The following ASMTL variants were observed in gnomAD, a reference collection of about 807,000 sequenced individuals.
ASMTL encodes probable bifunctional dTTP/UTP pyrophosphatase/methyltransferase protein.
In ASMTL, 57 loss-of-function variants were observed where a neutral mutation model predicts 60.3. The ratio of observed to expected loss-of-function variants is 0.95; its 90% confidence interval spans 0.76 to 1.18. The LOEUF (loss-of-function observed/expected upper bound fraction) is 1.18, where lower values mean the gene tolerates loss of function less well. Ranked by LOEUF, ASMTL falls within the 50% of genes most tolerant of loss-of-function variation. ASMTL has a pLI of 0.00. For missense variants in ASMTL, 981 were observed against 852.6 expected (o/e 1.15, Z -1.88); for synonymous variants, 419 against 373.0 (o/e 1.12, Z -1.42).
chrX:1,443,941 G>C (rs1167565954), intron 1 of ASMTL, among the ~76,000 whole-genome samples: 2 of 152,236 alleles, frequency 1.3e-5, no homozygotes, highest in African/African-American at 4.8e-5. Context: ...CCCCGTCTTG[G>C]ACAGACACTG....
chrX:1,451,707 C>A (rs1261104958), intron 1 of ASMTL, among the ~76,000 whole-genome samples: 1 of 149,238 alleles, frequency 6.7e-6, no homozygotes, highest in Non-Finnish European at 1.5e-5. Context: ...CTCCCCCATC[C>A]CTAGGGGTCC....
chrX:1,433,790 A>G (rs1363108277), intron 5 of ASMTL, among the ~76,000 whole-genome samples: 1 of 152,068 alleles, frequency 6.6e-6, no homozygotes, highest in Admixed American at 6.6e-5. Flanking sequence ...GAGGCTCCAT[A>G]CATCCTGCAC....
At chrX:1,425,946 A>G (rs5989886) in intron 7 of ASMTL, among the ~76,000 whole-genome samples, 101,699 of 152,018 alleles carry the variant, frequency 0.67, 35,025 homozygotes, top group South Asian at 0.86. Context: ...GCCGATATGG[A>G]CTGAGTTCAA....
chrX:1,446,500 A>ATTTTTT (rs533497088), intron 1 of ASMTL, among the ~76,000 whole-genome samples: 1 of 131,760 alleles, frequency 7.6e-6, no homozygotes, highest in Non-Finnish European at 1.6e-5. Context: ...ATCTCATGAC[A>ATTTTTT]TTTTTTTTTT....
chrX:1,417,744 TCACG>T (rs2090346701), intron 11 of ASMTL, among the ~76,000 whole-genome samples: 18 of 37,996 alleles, frequency 4.7e-4, no homozygotes, highest in Admixed American at 3.7e-3. Flanking sequence ...ACAGACATGC[TCACG>T]CACAGACATG....
chrX:1,416,583 AC>A (rs1262262150), intron 11 of ASMTL, among the ~76,000 whole-genome samples: 2 of 148,358 alleles, frequency 1.3e-5, no homozygotes, highest in African/African-American at 5.0e-5. Context: ...ACGCAGACAC[AC>A]AGACATACAC....
chrX:1,437,490 C>T (rs1304570950), intron 3 of ASMTL, among the ~76,000 whole-genome samples: 1 of 151,968 alleles, frequency 6.6e-6, no homozygotes, highest in Non-Finnish European at 1.5e-5. Context: ...CCCCCTGTGT[C>T]CTCACAGGGT....
chrX:1,421,789 A>G lies in ASMTL; in HGVS notation c.1114T>C (p.Ser372Pro). 1 of 1,613,866 alleles carries G rather than the reference A, an allele frequency of 6.2e-7. No individual in the cohort carries two copies. Among genetic ancestry groups the G allele is most frequent in the African/African-American group, 1.3e-5 (1 of 74,994 alleles). Reference protein sequence around the residue: ...NVYLASDGEYSLHGFIMHNND... With the variant: ...NVYLASDGEYPLHGFIMHNND... The stretch of plus-strand genomic sequence containing the variant: ...TTGTGCATGATGAAGCCGTGCAGAG[A>G]GTATTCGCCATCCGATGCCAGGTAG... The change falls in exon 9 of 13, where the codon TCT becomes CCT. Residue 372 changes from serine to proline, a missense_variant. Transcript: ENST00000381317.
chrX:1,424,271 C>G (rs1373405160), intron 8 of ASMTL, among the ~76,000 whole-genome samples: 2 of 142,234 alleles, frequency 1.4e-5, no homozygotes, highest in African/African-American at 5.2e-5. Context: ...CACATGCCCA[C>G]TCATCCATCC....
intron 12 of ASMTL, chrX:1,403,693 G>C (rs1306598784): frequency 4.6e-5 from 28 of 602,894 alleles, no homozygotes; most frequent in Non-Finnish European, 7.4e-5. Context: ...AAGGAGATTT[G>C]ATCGAAAGAT....
intron 3 of ASMTL, 163 bp downstream of exon 3, chrX:1,438,934 G>T: frequency 3.6e-6 from 1 of 278,688 alleles, no homozygotes; most frequent in Non-Finnish European, 5.4e-6. Context: ...GCCCCTTCCC[G>T]TGCCCTTAGG....
At chrX:1,431,288 TAAATATATA>T (rs1440549844) in intron 6 of ASMTL, among the ~76,000 whole-genome samples, 9 of 129,490 alleles carry the variant, frequency 7.0e-5, no homozygotes, top group Admixed American at 1.7e-4. Flanking sequence ...TAAATAAAAT[TAAATATATA>T]AAATATATAA....
intron 6 of ASMTL, among the ~76,000 whole-genome samples, chrX:1,430,571 G>A (rs1354263250): frequency 1.1e-4 from 16 of 151,966 alleles, no homozygotes; most frequent in African/African-American, 3.6e-4. Context: ...AGGAGTTCAA[G>A]ACCAGCCTGG....
Position 1,421,641 on chromosome X carries a change from C to T in ASMTL, c.1245+17G>A, listed in dbSNP as rs370732758. 7.7e-5 allele frequency: 125 copies of T among 1,613,504 alleles called. 1 individual carries two copies. The highest frequency in any genetic ancestry group is 4.9e-4 in the Middle Eastern group (3 of 6,078). On this transcript the variant is annotated intron_variant, in intron 9 of 12. Coordinates refer to ENST00000381317, the MANE Select transcript of ASMTL (RefSeq NM_004192.4). ...TGCACGCTAGACGGAAAGGTGTCCG[C>T]GGGGGTGTTATGCTACCTGGAACAG... is the stretch of plus-strand genomic sequence containing the variant.
chrX:1,413,502 G>A (rs762481330), intron 11 of ASMTL, among the ~76,000 whole-genome samples: 3 of 152,326 alleles, frequency 2.0e-5, no homozygotes, highest in Admixed American at 6.5e-5. Flanking sequence ...TGATTCAGGC[G>A]CCCCAGGAGG....
At chrX:1,413,895 G>C (rs117301938) in intron 11 of ASMTL, 3,476 of 151,228 alleles carry the variant, frequency 0.023, 141 homozygotes, top group African/African-American at 0.079. Context: ...TCCTCCCCTA[G>C]AGCCTCTCAG....
intron 7 of ASMTL, 27 bp from the exon 8 acceptor site, chrX:1,425,714 CATT>C (rs768218186): frequency 1.2e-6 from 2 of 1,608,662 alleles, no homozygotes; most frequent in East Asian, 4.5e-5. Context: ...CAGAGAGACT[CATT>C]AAGTCCCTTG....
intron 10 of ASMTL, 31 bp downstream of exon 10, chrX:1,418,947 AAAGT>A: frequency 1.9e-6 from 3 of 1,611,164 alleles, no homozygotes; most frequent in Non-Finnish European, 2.5e-6. Flanking sequence ...TTAATAAACG[AAAGT>A]AAGGAGAGCC....
In ASMTL at chrX:1,421,832, G is replaced by A. The variant is rs2090493107; in HGVS notation, c.1071C>T (p.Asn357=). ...LLEKTEQGYS[N]TETANVYLAS... Reference sequence around the variant, plus strand: ...CCAGGTAGACGTTCGCTGTCTCTGTGTTACTGTAACCTGGAGAAATGGGGA... The same window carrying A: ...CCAGGTAGACGTTCGCTGTCTCTGTATTACTGTAACCTGGAGAAATGGGGA... Residue 357 remains asparagine (N), a synonymous_variant, in exon 9 of 13, where the codon AAC becomes AAT. Transcript: ENST00000381317. The A allele has an allele frequency of 1.2e-6, 2 of 1,613,720 alleles. No individual in the cohort carries two copies. The highest frequency in any genetic ancestry group is 1.7e-6 in the Non-Finnish European group (2 of 1,179,824).
Sources: allele counts gnomAD v4.1 joint callset (sites outside exome capture counted in the v4.1 genomes callset), GRCh38; gene constraint gnomAD v4.1.1; transcripts MANE v1.5; gene names NCBI Gene and HGNC (gene_info 2026-07-23, HGNC 2026-07-21).